Variants in ARHGAP8 observed in about 807,000 individuals in gnomAD.
ARHGAP8 encodes the protein rho GTPase-activating protein 8.
In ARHGAP8, 62 loss-of-function variants were observed where a neutral mutation model predicts 46.1. The ratio of observed to expected loss-of-function variants is 1.34; its 90% CI spans 1.10 to 1.66. The LOEUF is 1.66. Among genes scored for constraint, ARHGAP8 ranks in the 40% most tolerant of loss-of-function variants. ARHGAP8 has a pLI of 0.00. For missense variants in ARHGAP8, 923 were observed against 568.4 expected, an observed-to-expected ratio of 1.62 and a Z score of -6.34; for synonymous variants, 375 against 243.1, an observed-to-expected ratio of 1.54 and a Z score of -5.05.
At chr22:44,765,592 T>C (rs903435523) in intron 1 of ARHGAP8, among the ~76,000 whole-genome samples, 35 of 152,036 alleles carry the variant, frequency 2.3e-4, no homozygotes, top group Non-Finnish European at 4.6e-4. Context: ...GAAGCTGCCC[T>C]CCTCCCATCA....
intron 7 of ARHGAP8, among the ~76,000 whole-genome samples, chr22:44,830,253 A>ACCTT (rs1185528943): frequency 1.3e-5 from 2 of 151,726 alleles, no homozygotes. Context: ...CAAAGTCCTG[A>ACCTT]CCTCAGGTGA....
intron 7 of ARHGAP8, among the ~76,000 whole-genome samples, chr22:44,832,803 A>C (rs1292808882): frequency 1.3e-5 from 2 of 152,206 alleles, no homozygotes; most frequent in Non-Finnish European, 2.9e-5. Flanking sequence ...TGATAAGAGC[A>C]GACATGGTTG....
chr22:44,857,683 C>G (rs557067054), intron 10 of ARHGAP8, among the ~76,000 whole-genome samples: 3 of 152,132 alleles, frequency 2.0e-5, no homozygotes, highest in African/African-American at 7.2e-5. Flanking sequence ...AGGCGCCTCT[C>G]ATAGGATGAT....
rs187618775 is a variant in ARHGAP8, at chr22:44,798,121, C to T, written c.80-3956C>T. 3.1e-3 allele frequency among the ~76,000 whole-genome samples: 468 copies of T among 151,940 alleles called. 4 individuals carry two copies. Among genetic ancestry groups the T allele is most frequent in the South Asian group, 8.1e-3 (39 of 4,804 alleles). On this transcript the variant is annotated intron_variant, in intron 2 of 11. Coordinates refer to ENST00000356099, the MANE Select transcript of ARHGAP8 (RefSeq NM_181335.3). ...CTTCCTGAGTAGCTGGGACTACAGGCGTGCACCACCACACCCAGCTAATTT... is the reference window on the plus strand; with the variant it reads ...CTTCCTGAGTAGCTGGGACTACAGGTGTGCACCACCACACCCAGCTAATTT...
intron 1 of ARHGAP8, among the ~76,000 whole-genome samples, chr22:44,772,950 C>G (rs887800247): frequency 9.2e-5 from 14 of 151,854 alleles, no homozygotes; most frequent in African/African-American, 2.9e-4. Context: ...TCCCAAGTAG[C>G]TGGAACTACA....
Position 44,782,453 on chromosome 22 carries a change from T to G in ARHGAP8, c.-71-4004T>G, listed in dbSNP as rs1418329312. Reference sequence around the variant, plus strand: ...CCGCTGCTAGTTAGTTCCAGAACGTTTTCATCACCCCAGTGGGAAACTCCC... The same window carrying G: ...CCGCTGCTAGTTAGTTCCAGAACGTGTTCATCACCCCAGTGGGAAACTCCC... On this transcript the variant is annotated intron_variant, in intron 1 of 11. Transcript: ENST00000356099. 3.3e-5 allele frequency among the ~76,000 whole-genome samples: 5 copies of G among 152,138 alleles called. No individual in the cohort carries two copies. In the South Asian group the frequency reaches 8.3e-4, roughly 25 times the overall value.
At chr22:44,840,726 C>T (rs897913003) in intron 7 of ARHGAP8, among the ~76,000 whole-genome samples, 5 of 152,180 alleles carry the variant, frequency 3.3e-5, no homozygotes, top group African/African-American at 9.7e-5. Flanking sequence ...CACAGCTCAA[C>T]GAAGCCGGCA....
chr22:44,856,509 G>C (rs1246964975), intron 10 of ARHGAP8, among the ~76,000 whole-genome samples: 1 of 151,954 alleles, frequency 6.6e-6, no homozygotes, highest in Non-Finnish European at 1.5e-5. Flanking sequence ...CCTGATCTCA[G>C]GTGATCCATC....
intron 5 of ARHGAP8, among the ~76,000 whole-genome samples, 177 bp from the exon 6 acceptor site, chr22:44,822,194 C>T (rs1460589386): frequency 2.0e-5 from 3 of 152,120 alleles, no homozygotes; most frequent in African/African-American, 7.2e-5. Flanking sequence ...AGCAAAATAT[C>T]TCCCGGCGTG....
intron 2 of ARHGAP8, among the ~76,000 whole-genome samples, chr22:44,788,237 G>A (rs927242232): frequency 4.6e-5 from 7 of 151,968 alleles, no homozygotes; most frequent in Admixed American, 1.3e-4. Context: ...TCCTGTCTCA[G>A]CCTCCCAAGT....
At chr22:44,860,580 A>C (rs1033029754) in intron 11 of ARHGAP8, among the ~76,000 whole-genome samples, 2 of 151,952 alleles carry the variant, frequency 1.3e-5, no homozygotes, top group African/African-American at 4.8e-5. Context: ...CTCGTTCCAA[A>C]TAAGGTCACA....
intron 2 of ARHGAP8, among the ~76,000 whole-genome samples, chr22:44,796,983 A>T (rs1159761981): frequency 6.6e-6 from 1 of 152,154 alleles, no homozygotes; most frequent in Non-Finnish European, 1.5e-5. Flanking sequence ...TGTGGCTGCC[A>T]GGGCTCCCAC....
chr22:44,862,270 T>C lies in ARHGAP8; in HGVS notation c.982-5T>C. ...TCCCCTTTACTTGTGTGTGGTTTCC[T>C]CCAGGTGTCCCGGGAGAGCATCTTC... On this transcript the variant is annotated splice_region_variant and splice_polypyrimidine_tract_variant and intron_variant, in intron 11 of 11. Transcript: ENST00000356099. 3 of 1,584,308 alleles carry C rather than the reference T, an allele frequency of 1.9e-6. No individual in the cohort carries two copies. The highest frequency in any genetic ancestry group is 2.6e-6 in the Non-Finnish European group (3 of 1,160,514).
At chr22:44,761,972 C>A (rs9614906) in intron 1 of ARHGAP8, among the ~76,000 whole-genome samples, 24,638 of 152,234 alleles carry the variant, frequency 0.16, 2,240 homozygotes, top group Non-Finnish European at 0.21. Flanking sequence ...GGAACCCCCC[C>A]CAACTCATAA....
At chr22:44,847,326 G>A (rs1193179860) in intron 8 of ARHGAP8, among the ~76,000 whole-genome samples, 2 of 152,194 alleles carry the variant, frequency 1.3e-5, no homozygotes, top group African/African-American at 2.4e-5. Context: ...TTTCTTCTTT[G>A]ATTACAATCA....
chr22:44,845,472 T>C (rs2069931601), intron 8 of ARHGAP8, 130 bp downstream of exon 8: 5 of 1,257,452 alleles, frequency 4.0e-6, no homozygotes, highest in Non-Finnish European at 5.5e-6. Flanking sequence ...TCAAGCACAG[T>C]GGCTCCAGGT....
Position 44,833,884 on chromosome 22 carries a change from T to A in ARHGAP8, c.596+8291T>A, listed in dbSNP as rs148945069. ...TTTCTTCTTGAGTCCATTTTGATTG[T>A]TTGTGTCTTTCCAGGAATTTGTTCA... On this transcript the variant is annotated intron_variant, in intron 7 of 11. Coordinates refer to ENST00000356099, the MANE Select transcript of ARHGAP8 (RefSeq NM_181335.3). 4.2e-3 allele frequency among the ~76,000 whole-genome samples: 635 copies of A among 152,254 alleles called. 1 individual carries two copies. Among genetic ancestry groups the A allele is most frequent in the African/African-American group, 0.014 (599 of 41,574 alleles).
intron 5 of ARHGAP8, among the ~76,000 whole-genome samples, chr22:44,816,880 CTTTCTTTT>C (rs1929786315): frequency 7.9e-6 from 1 of 127,372 alleles, no homozygotes; most frequent in Non-Finnish European, 1.6e-5. Flanking sequence ...TTCTTTCTTT[CTTTCTTTT>C]TTTTTTTTTT....
chr22:44,798,650 C>T (rs866034196), intron 2 of ARHGAP8, among the ~76,000 whole-genome samples: 25 of 151,840 alleles, frequency 1.6e-4, no homozygotes, highest in African/African-American at 5.8e-4. Flanking sequence ...CCCTCAAGAT[C>T]AGCGCTGCCC....
Sources: gnomAD v4.1 joint callset for allele counts (sites outside exome capture counted in the v4.1 genomes callset) on GRCh38, gnomAD v4.1.1 for gene constraint, MANE v1.5 for transcripts, NCBI Gene and HGNC (gene_info 2026-07-23, HGNC 2026-07-21) for gene names.